Variants in SAMM50 observed in about 807,000 individuals in gnomAD.
SAMM50 encodes sorting and assembly machinery component 50 homolog.
A neutral mutation model predicts 66.9 loss-of-function variants in SAMM50; 47 were observed. That is an observed-to-expected ratio of 0.70 (90% CI 0.56 to 0.90). The LOEUF (loss-of-function observed/expected upper bound fraction) is 0.90. Ranked by LOEUF, SAMM50 falls within the 40% of genes least tolerant of loss-of-function variation. The pLI, the probability that SAMM50 is intolerant of heterozygous loss-of-function variation, is 0.00. For missense variants in SAMM50, 535 were observed against 595.3 expected (o/e 0.90, Z 1.05); for synonymous variants, 191 against 214.1 (o/e 0.89, Z 0.94).
At chr22:43,996,255 C>A in intron 14 of SAMM50, 83 bp from the exon 15 acceptor site, 3 of 1,480,796 alleles carry the variant, frequency 2.0e-6, no homozygotes, top group Non-Finnish European at 2.8e-6. Flanking sequence ...GCGGCACCTT[C>A]TGAGAGGCGC....
intron 12 of SAMM50, chr22:43,988,871 G>A (rs144167875): frequency 1.3e-4 from 50 of 385,476 alleles, no homozygotes; most frequent in South Asian, 1.0e-3. Context: ...CTTCCTCAAC[G>A]ACATTGGCTT....
intron 14 of SAMM50, among the ~76,000 whole-genome samples, chr22:43,992,548 CCTGGGGGCCCAGCTACCCGGG>C (rs2146829803): frequency 6.6e-6 from 1 of 152,344 alleles, no homozygotes; most frequent in Non-Finnish European, 1.5e-5. Flanking sequence ...TGCATGTGTG[CCTGGGGGCCCAGCTACCCGGG>C]CTTGGGGCCC....
At chr22:43,964,656 C>T (rs553865782) in intron 3 of SAMM50, 103 bp downstream of exon 3, 23 of 627,794 alleles carry the variant, frequency 3.7e-5, no homozygotes, top group African/African-American at 2.4e-4. Flanking sequence ...GCCTCTGTGC[C>T]GGAGATCTGC....
At chr22:43,995,325 T>C (rs570962067) in intron 14 of SAMM50, 1 of 152,324 alleles carries the variant, frequency 6.6e-6, no homozygotes, top group East Asian at 1.9e-4. Flanking sequence ...CCGGTGTGCA[T>C]GTGCTCCAAA....
Position 43,983,230 on chromosome 22 carries a change from T to G in SAMM50, c.1008-703T>G, listed in dbSNP as rs1157369487. On this transcript the variant is annotated intron_variant, in intron 11 of 14. Transcript: ENST00000350028. This position sits in a 1 kb window ranked among gnomAD's most constrained non-coding sequence, Gnocchi z 4.2. ...CCGGGGTTGTGTCCTTGGCTGCCTC[T>G]TGGCTGGAAAGATTACACAGAATTT... Among the ~76,000 whole-genome samples the G allele has an allele frequency of 1.3e-5, 2 of 152,238 alleles. No individual in the cohort carries two copies. The highest frequency in any genetic ancestry group is 4.8e-5 in the African/African-American group (2 of 41,464).
In SAMM50 at chr22:43,962,864, C is replaced by T. The variant is rs191304678; in HGVS notation, c.22-422C>T. On this transcript the variant is annotated intron_variant, in intron 1 of 14. Coordinates refer to ENST00000350028, the MANE Select transcript of SAMM50 (RefSeq NM_015380.5). ...CATGACATGTCATCATGGATTTGTG[C>T]GTGACCCTTTTGGTTAATTTTTTTT... Among the ~76,000 whole-genome samples the T allele has an allele frequency of 6.9e-5, 9 of 130,058 alleles. 1 individual carries two copies. The highest frequency in any genetic ancestry group is 2.7e-4 in the South Asian group (1 of 3,684). The allele number at this position is 130,058 out of a possible 152,430, so 85.3% of individuals were successfully genotyped here.
In SAMM50 at chr22:43,967,686, A is replaced by G. The variant is rs956611489; in HGVS notation, c.235-1045A>G. Among the ~76,000 whole-genome samples, 97 of 152,172 alleles carry G rather than the reference A, an allele frequency of 6.4e-4. 1 individual carries two copies. The highest frequency in any genetic ancestry group is 2.5e-4 in the Non-Finnish European group (17 of 68,030). On this transcript the variant is annotated intron_variant, in intron 3 of 14. Transcript: ENST00000350028. ...GTCTGTGTGATCCGTTCTTTCTCAC[A>G]AGGAAATGTGATCCTTTCTGTCTCC...
chr22:43,966,213 A>ACTAAACAT (rs530863140), intron 3 of SAMM50, among the ~76,000 whole-genome samples: 48 of 152,354 alleles, frequency 3.2e-4, no homozygotes, highest in Middle Eastern at 3.4e-3. Flanking sequence ...ACAATGCTGT[A>ACTAAACAT]CTAAACATCT....
At chr22:43,963,044 T>G in intron 1 of SAMM50, 1 of 275,160 alleles carries the variant, frequency 3.6e-6, no homozygotes, top group Non-Finnish European at 6.9e-6. Context: ...CCCTTCCCTG[T>G]TAATTAGTTT....
At chr22:43,993,266 CTG>C (rs574932543) in intron 14 of SAMM50, among the ~76,000 whole-genome samples, 2 of 152,388 alleles carry the variant, frequency 1.3e-5, no homozygotes, top group South Asian at 4.1e-4. Flanking sequence ...GGACCCGCCA[CTG>C]TGCACGTCTC....
chr22:43,972,796 C>G (rs1447876875), intron 5 of SAMM50, 75 bp from the exon 6 acceptor site: 1 of 1,347,796 alleles, frequency 7.4e-7, no homozygotes, highest in East Asian at 2.4e-5. Flanking sequence ...CCTTAGCTAG[C>G]ATAGTCTTTA....
chr22:43,976,783 A>G lies in SAMM50; in HGVS notation c.811A>G (p.Ile271Val), dbSNP rs1310410925. The G allele has an allele frequency of 1.9e-6, 3 of 1,613,158 alleles. No homozygotes were observed. Among genetic ancestry groups the G allele is most frequent in the East Asian group, 2.2e-5 (1 of 44,850 alleles). Residue 271 changes from isoleucine to valine, a missense_variant, in exon 9 of 15, where the codon ATC becomes GTC. Transcript: ENST00000350028. ...GGTCATCGATTCTCGGAATTCTTCC[A>G]TCTTACCAAGGAGAGGTGCTTTGCT... is the stretch of plus-strand genomic sequence containing the variant. ...AMVIDSRNSS[I>V]LPRRGALLKV...
chr22:43,992,502 G>A (rs903888608), intron 14 of SAMM50, among the ~76,000 whole-genome samples: 6 of 152,192 alleles, frequency 3.9e-5, no homozygotes, highest in African/African-American at 7.2e-5. Flanking sequence ...TCCACACAAA[G>A]CCCAAGCTGG....
chr22:43,989,663 T>TGA (rs2050312801), intron 13 of SAMM50, among the ~76,000 whole-genome samples: 1 of 152,186 alleles, frequency 6.6e-6, no homozygotes, highest in African/African-American at 2.4e-5. Context: ...GATTACATAG[T>TGA]CATTAAAGTT....
intron 12 of SAMM50, among the ~76,000 whole-genome samples, chr22:43,985,225 C>G (rs1285769612): frequency 6.6e-6 from 1 of 151,892 alleles, no homozygotes; most frequent in Non-Finnish European, 1.5e-5. Flanking sequence ...AACTCAAGGC[C>G]ATAGTTTACA....
intron 7 of SAMM50, among the ~76,000 whole-genome samples, chr22:43,974,401 T>C (rs2050220645): frequency 1.3e-5 from 2 of 152,110 alleles, no homozygotes; most frequent in Admixed American, 1.3e-4. Context: ...CCAGGGCCGT[T>C]GTGAGGGTTG....
chr22:43,959,489 T>C (rs1466753592), intron 1 of SAMM50, among the ~76,000 whole-genome samples: 1 of 142,356 alleles, frequency 7.0e-6, no homozygotes, highest in Non-Finnish European at 1.5e-5. Context: ...TCCAAATATT[T>C]ATTTTATTTT....
chr22:43,990,468 T>G, intron 14 of SAMM50, 62 bp downstream of exon 14: 2 of 1,522,914 alleles, frequency 1.3e-6, no homozygotes, highest in East Asian at 4.5e-5. Flanking sequence ...TATTTTGTTT[T>G]GGACGTGGTT....
chr22:43,996,400 A>G lies in SAMM50; in HGVS notation c.*17A>G. 6.2e-7 allele frequency: 1 copy of G among 1,613,744 alleles called. No individual in the cohort carries two copies. Among genetic ancestry groups the G allele is most frequent in the Non-Finnish European group, 8.5e-7 (1 of 1,179,634 alleles). ...TTCCTGTAGCCGACACCCCTACAGG[A>G]GAAGCTCTGGGACTGGGGCAGCAGC... On this transcript the variant is annotated 3_prime_UTR_variant, in exon 15 of 15. Transcript: ENST00000350028.
Sources: gnomAD v4.1 joint callset for allele counts (sites outside exome capture counted in the v4.1 genomes callset) on GRCh38, gnomAD v4.1.1 for gene constraint, Gnocchi (gnomAD v3.1) non-coding constraint, MANE v1.5 for transcripts, NCBI Gene and HGNC (gene_info 2026-07-23, HGNC 2026-07-21) for gene names.